The following HOXD13 variants were observed in gnomAD, a reference collection of about 807,000 sequenced individuals.
The protein encoded by HOXD13 is homeobox D13.
HOXD13 carries 16 observed loss-of-function variants against 27.3 expected under a neutral mutation model. The observed-to-expected ratio is 0.59, with a 90% CI of 0.40 to 0.89. The LOEUF (loss-of-function observed/expected upper bound fraction) is 0.89. Ranked by LOEUF, HOXD13 falls within the 40% of genes least tolerant of loss-of-function variation. The pLI is 0.00. For synonymous variants in HOXD13, 241 were observed against 219.0 expected (o/e 1.10, Z -0.89); for missense variants, 481 against 482.6 (o/e 1.00, Z 0.03).
chr2:176,093,473 G>A lies in HOXD13; in HGVS notation c.583G>A (p.Gly195Ser), dbSNP rs2105378998. 1 of 1,614,044 alleles carries A rather than the reference G, an allele frequency of 6.2e-7. No homozygotes were observed. Among genetic ancestry groups the A allele is most frequent in the Non-Finnish European group, 8.5e-7 (1 of 1,180,042 alleles). ...ARAKEVSFYQ[G>S]YTSPYQHVPG... Reference sequence around the variant, plus strand: ...AGCCAAGGAGGTATCCTTCTACCAGGGCTATACGAGCCCTTACCAGCACGT... The same window carrying A: ...AGCCAAGGAGGTATCCTTCTACCAGAGCTATACGAGCCCTTACCAGCACGT... The change falls in exon 1 of 2, where the codon GGC becomes AGC. Residue 195 changes from glycine to serine, a missense_variant. Coordinates refer to ENST00000392539, the MANE Select transcript of HOXD13 (RefSeq NM_000523.4).
At chr2:176,092,458 G>A (rs918627699), upstream of HOXD13, among the ~76,000 whole-genome samples, 2 of 140,910 alleles carry the variant, frequency 1.4e-5, no homozygotes, top group Non-Finnish European at 3.1e-5. Flanking sequence ...GCTGCAGCGC[G>A]TACGCCTGGG....
At position 176,093,606 on chromosome 2, in the gene HOXD13, A is replaced by G. The variant is rs1184812888; in HGVS notation, c.716A>G (p.Asn239Ser). 1 of 1,613,668 alleles carries G rather than the reference A, an allele frequency of 6.2e-7. No individual in the cohort carries two copies. Among genetic ancestry groups the G allele is most frequent in the East Asian group, 2.2e-5 (1 of 44,878 alleles). Residue 239 changes from asparagine to serine, a missense_variant, in exon 1 of 2, where the codon AAC becomes AGC. Coordinates refer to ENST00000392539, the MANE Select transcript of HOXD13 (RefSeq NM_000523.4). ...TCCTGGACGCTGGCTAACGGGTGGA[A>G]CAGCCAGGTGTACTGCACCAAGGAC... ...YQSWTLANGW[N>S]SQVYCTKDQP...
chr2:176,092,554 T>G (rs947723365), upstream of HOXD13, among the ~76,000 whole-genome samples: 2 of 151,758 alleles, frequency 1.3e-5, no homozygotes, highest in African/African-American at 4.8e-5. Context: ...CAGCCAGGCC[T>G]GGGCCGGGAG....
At chr2:176,093,739 A>G (rs1689368373) in intron 1 of HOXD13, 68 bp downstream of exon 1, 2 of 1,058,414 alleles carry the variant, frequency 1.9e-6, no homozygotes, top group African/African-American at 1.6e-5. Flanking sequence ...GAAAGGACTA[A>G]GAGTATGCGC....
chr2:176,094,236 G>C (rs913860955), intron 1 of HOXD13, among the ~76,000 whole-genome samples: 2 of 152,182 alleles, frequency 1.3e-5, no homozygotes, highest in African/African-American at 4.8e-5. Flanking sequence ...TAAGATGCCG[G>C]TTTGAGAAAC....
At position 176,095,410 on chromosome 2, in the gene HOXD13, G is replaced by T. The variant is rs1440431970; in HGVS notation, c.*680G>T. Reference sequence around the variant, plus strand: ...AATTGTTTGTTTTTAACACTTTGTAGGTTTGTGTTTTCATAATCTTTAATT... The same window carrying T: ...AATTGTTTGTTTTTAACACTTTGTATGTTTGTGTTTTCATAATCTTTAATT... On this transcript the variant is annotated 3_prime_UTR_variant, in exon 2 of 2. Coordinates refer to ENST00000392539, the MANE Select transcript of HOXD13 (RefSeq NM_000523.4). 1 of 229,620 alleles carries T rather than the reference G, an allele frequency of 4.4e-6. No homozygotes were observed. The highest frequency in any genetic ancestry group is 8.6e-6 in the Non-Finnish European group (1 of 115,688). The allele number at this position is 229,620 out of a possible 1,614,324, so 14.2% of individuals were successfully genotyped here.
upstream of HOXD13, among the ~76,000 whole-genome samples, chr2:176,091,929 G>A (rs1166411032): frequency 6.6e-6 from 1 of 152,172 alleles, no homozygotes; most frequent in Non-Finnish European, 1.5e-5. Context: ...GGAGCTGAGA[G>A]GCCCAGGTCG....
upstream of HOXD13, among the ~76,000 whole-genome samples, chr2:176,089,444 C>A (rs531887212): frequency 6.6e-6 from 1 of 152,306 alleles, no homozygotes; most frequent in East Asian, 1.9e-4. Context: ...TCTTGGCCAT[C>A]AAGACAAGTG....
At position 176,092,804 on chromosome 2, in the gene HOXD13, G is replaced by C. The variant is rs1689340673; in HGVS notation, c.-87G>C. 4 of 893,598 alleles carry C rather than the reference G, an allele frequency of 4.5e-6. No individual in the cohort carries two copies. Among genetic ancestry groups the C allele is most frequent in the Admixed American group, 9.0e-5 (2 of 22,132 alleles). 55.4% of individuals were successfully genotyped at this position (893,598 alleles called of 1,614,324 possible). A position where few individuals can be genotyped will look rare whatever the true frequency, so the allele number is the denominator to read the frequency against. On this transcript the variant is annotated 5_prime_UTR_variant, in exon 1 of 2. Coordinates refer to ENST00000392539, the MANE Select transcript of HOXD13 (RefSeq NM_000523.4). ...AGAGGGCGGGAGCGAGCGAACCAGA[G>C]AGAAAGGAGAGGAGGGAGGAGGCGC... is the stretch of plus-strand genomic sequence containing the variant.
chr2:176,089,599 C>A (rs1358288904), upstream of HOXD13, among the ~76,000 whole-genome samples: 1 of 152,188 alleles, frequency 6.6e-6, no homozygotes, highest in African/African-American at 2.4e-5. Context: ...CCTGTATCTG[C>A]CCATTCCCCC....
In HOXD13 at chr2:176,095,331, C is replaced by T. The variant is rs1283747589; in HGVS notation, c.*601C>T. 4.4e-6 allele frequency: 1 copy of T among 228,016 alleles called. No homozygotes were observed. Among genetic ancestry groups the T allele is most frequent in the African/African-American group, 2.2e-5 (1 of 44,932 alleles). The allele number at this position is 228,016 out of a possible 1,614,324, so 14.1% of individuals were successfully genotyped here. ...CCACCTTATTAAATAGGGATTGTAT[C>T]AATATTGAAATGAAGACAATCTTTC... On this transcript the variant is annotated 3_prime_UTR_variant, in exon 2 of 2. Transcript: ENST00000392539.
chr2:176,094,662 A>C lies in HOXD13; in HGVS notation c.964A>C (p.Ile322Leu), dbSNP rs28928891. 1 of 1,613,908 alleles carries C rather than the reference A, an allele frequency of 6.2e-7. No individual in the cohort carries two copies. The highest frequency in any genetic ancestry group is 8.5e-7 in the Non-Finnish European group (1 of 1,179,766). ...ATNLSERQVT[I>L]WFQNRRVKDK... is the part of the protein sequence containing the mutation. Reference sequence around the variant, plus strand: ...GAACCTATCTGAGAGACAAGTGACCATTTGGTTTCAGAACCGAAGAGTGAA... The same window carrying C: ...GAACCTATCTGAGAGACAAGTGACCCTTTGGTTTCAGAACCGAAGAGTGAA... Residue 322 changes from isoleucine (I) to leucine (L), a missense_variant, in exon 2 of 2, where the codon ATT (isoleucine) becomes CTT (leucine). By Grantham distance (5) the Ile-to-Leu change is conservative (BLOSUM62 2). Transcript: ENST00000392539.
In HOXD13 at chr2:176,093,134, C is replaced by A; in HGVS notation, c.244C>A (p.Arg82Ser). ...CTTTGCGTACCCCGGGACCTCTGAG[C>A]GCACGGGCTCTTCCTCGTCGTCGTC... ...SGFAYPGTSE[R>S]TGSSSSSSSS... The change falls in exon 1 of 2, where the codon CGC becomes AGC. Residue 82 changes from arginine to serine, a missense_variant. Transcript: ENST00000392539. 1 of 1,604,572 alleles carries A rather than the reference C, an allele frequency of 6.2e-7. No individual in the cohort carries two copies.
chr2:176,092,071 C>T (rs1366793306), upstream of HOXD13, among the ~76,000 whole-genome samples: 2 of 152,176 alleles, frequency 1.3e-5, no homozygotes, highest in East Asian at 1.9e-4. Flanking sequence ...GTCTCTGCCG[C>T]CAGCCCCAAG....
chr2:176,093,090 C>T lies in HOXD13; in HGVS notation c.200C>T (p.Ala67Val). The T allele has an allele frequency of 1.4e-6, 2 of 1,419,600 alleles. No individual in the cohort carries two copies. The highest frequency in any genetic ancestry group is 1.5e-5 in the African/African-American group (1 of 66,678). 87.9% of individuals were successfully genotyped at this position (1,419,600 alleles called of 1,614,324 possible). A position where few individuals can be genotyped will look rare whatever the true frequency, so the allele number is the denominator to read the frequency against. Residue 67 changes from alanine (A) to valine (V), a missense_variant, in exon 1 of 2, where the codon GCG becomes GTG. Coordinates refer to ENST00000392539, the MANE Select transcript of HOXD13 (RefSeq NM_000523.4). ...AAAAAAAAAA[A>V]AAAASGFAYP... is the part of the protein sequence containing the mutation. ...GCGGCGGCAGCGGCGGCTGCGGCGGCGGCGGCGGCAGCCTCCGGCTTTGCG... is the reference window on the plus strand; with the variant it reads ...GCGGCGGCAGCGGCGGCTGCGGCGGTGGCGGCGGCAGCCTCCGGCTTTGCG...
upstream of HOXD13, among the ~76,000 whole-genome samples, chr2:176,092,720 T>G (rs999887700): frequency 1.4e-3 from 220 of 151,804 alleles, no homozygotes; most frequent in Non-Finnish European, 2.4e-3. Context: ...TGAGCTAACC[T>G]GTTGGAGGGC....
At chr2:176,092,094 G>T (rs1337866779), upstream of HOXD13, among the ~76,000 whole-genome samples, 12 of 152,202 alleles carry the variant, frequency 7.9e-5, no homozygotes, top group Non-Finnish European at 1.5e-4. Flanking sequence ...CGCTTCATGG[G>T]CATTTTCCGA....
intron 1 of HOXD13, 43 bp from the exon 2 acceptor site, chr2:176,094,437 G>A (rs1443920314): frequency 5.0e-6 from 8 of 1,603,760 alleles, no homozygotes; most frequent in South Asian, 2.2e-5. Flanking sequence ...TAGGTGCTCC[G>A]AATATCCCAG....
Position 176,093,613 on chromosome 2 carries a change from G to T in HOXD13, c.723G>T (p.Gln241His), listed in dbSNP as rs764371902. The T allele has an allele frequency of 6.8e-6, 11 of 1,613,430 alleles. No homozygotes were observed. Among genetic ancestry groups the T allele is most frequent in the Non-Finnish European group, 8.5e-6 (10 of 1,179,900 alleles). Residue 241 changes from glutamine (Q) to histidine (H), a missense_variant, in exon 1 of 2, where the codon CAG becomes CAT. By Grantham distance (24) the Gln-to-His change is conservative. Transcript: ENST00000392539. ...CGCTGGCTAACGGGTGGAACAGCCA[G>T]GTGTACTGCACCAAGGACCAGCCAC... ...SWTLANGWNS[Q>H]VYCTKDQPQG... is the part of the protein sequence containing the mutation.
Sources: allele counts gnomAD v4.1 joint callset (sites outside exome capture counted in the v4.1 genomes callset), GRCh38; gene constraint gnomAD v4.1.1; transcripts MANE v1.5; gene names NCBI Gene and HGNC (gene_info 2026-07-23, HGNC 2026-07-21).